The following SH3D19 variants were observed in gnomAD, a reference collection of about 807,000 sequenced individuals.
SH3D19 encodes the protein SH3 domain containing 19, also known as SH3 domain-containing protein 19.
Under a neutral mutation model 112.1 loss-of-function variants are expected in SH3D19, and 58 were observed. The ratio of observed to expected loss-of-function variants is 0.52; its 90% CI spans 0.42 to 0.64. SH3D19 has a LOEUF of 0.64. SH3D19 is among the 30% of genes least tolerant of loss of function. SH3D19 has a pLI of 0.00. For missense variants in SH3D19, 1,090 were observed against 1,263.4 expected, an observed-to-expected ratio of 0.86 and a Z score of 2.08; for synonymous variants, 391 against 448.5, an observed-to-expected ratio of 0.87 and a Z score of 1.62.
At chr4:151,307,973 C>A (rs770349029) in intron 1 of SH3D19, among the ~76,000 whole-genome samples, 1 of 152,112 alleles carries the variant, frequency 6.6e-6, no homozygotes, top group Non-Finnish European at 1.5e-5. Flanking sequence ...TGCAATGGTG[C>A]GATCTCACTG....
rs1751060772 is a variant in SH3D19, at chr4:151,133,041, A to C, written c.2682T>G (p.Asn894Lys). 2 of 1,613,734 alleles carry C rather than the reference A, an allele frequency of 1.2e-6. No individual in the cohort carries two copies. The highest frequency in any genetic ancestry group is 8.5e-7 in the Non-Finnish European group (1 of 1,179,856). ...PVEDYPTSGA[N>K]VLSTKVPLKT... is the part of the protein sequence containing the mutation. Reference sequence around the variant, plus strand: ...AAAATTCTCTATACTCACTTAAAACATTTGCACCAGAGGTGGGATAATCCT... The same window carrying C: ...AAAATTCTCTATACTCACTTAAAACCTTTGCACCAGAGGTGGGATAATCCT... Residue 894 changes from asparagine (N) to lysine (K), a missense_variant, in exon 16 of 20, where the codon AAT (asparagine) becomes AAG (lysine). Transcript: ENST00000604030.
intron 1 of SH3D19, among the ~76,000 whole-genome samples, chr4:151,246,159 T>A (rs1182543238): frequency 6.6e-6 from 1 of 152,142 alleles, no homozygotes. Context: ...TAGCTAAAGT[T>A]ACAAAAGGCA....
intron 9 of SH3D19, among the ~76,000 whole-genome samples, chr4:151,150,204 A>AAAAAAAAAT (rs1561234777): frequency 1.7e-5 from 1 of 59,008 alleles, no homozygotes; most frequent in Non-Finnish European, 3.8e-5. Flanking sequence ...AAAAAAAAAA[A>AAAAAAAAAT]AAATATATAT....
chr4:151,187,440 C>G lies in SH3D19; in HGVS notation c.176G>C (p.Arg59Thr). 3.3e-6 allele frequency: 4 copies of G among 1,229,336 alleles called. No homozygotes were observed. Among genetic ancestry groups the G allele is most frequent in the Non-Finnish European group, 3.0e-6 (3 of 985,476 alleles). The allele number at this position is 1,229,336 out of a possible 1,614,324, so 76.2% of individuals were successfully genotyped here. The change falls in exon 3 of 20, where the codon AGA becomes ACA. Residue 59 changes from arginine (R) to threonine (T), a missense_variant. Arg to Thr is a moderately conservative substitution (Grantham distance 71). Coordinates refer to ENST00000604030, the MANE Select transcript of SH3D19 (RefSeq NM_001378122.1). ...SSSQGPLSSI[R>T]AVIKRSSRTS... ...AAACTTACATCTCTTGATTACCGCT[C>G]TAATGGATGACAAGGGTCCTTGGCT...
intron 2 of SH3D19, among the ~76,000 whole-genome samples, chr4:151,211,341 T>A (rs1267198756): frequency 6.6e-6 from 1 of 152,020 alleles, no homozygotes; most frequent in East Asian, 1.9e-4. Context: ...CCACTGGCAG[T>A]TCCCCCATCT....
At chr4:151,174,101 C>A (rs1759514208) in intron 7 of SH3D19, among the ~76,000 whole-genome samples, 1 of 152,200 alleles carries the variant, frequency 6.6e-6, no homozygotes, top group Non-Finnish European at 1.5e-5. Flanking sequence ...ATTAAAGGAA[C>A]AACTTTGCAA....
At chr4:151,137,919 A>G in intron 13 of SH3D19, 57 bp from the exon 14 acceptor site, 1 of 1,476,588 alleles carries the variant, frequency 6.8e-7, no homozygotes, top group Non-Finnish European at 9.1e-7. Context: ...AGATTTGATA[A>G]AAGCACAAAG....
At chr4:151,133,340 G>A in intron 15 of SH3D19, 104 bp from the exon 16 acceptor site, 1 of 929,136 alleles carries the variant, frequency 1.1e-6, no homozygotes, top group East Asian at 2.6e-5. Context: ...GGTTTACCAT[G>A]GAATAAGGTA....
At chr4:151,227,592 G>T (rs1769212279) in intron 1 of SH3D19, among the ~76,000 whole-genome samples, 1 of 152,168 alleles carries the variant, frequency 6.6e-6, no homozygotes, top group Admixed American at 6.5e-5. Context: ...TGAGTATTAA[G>T]ATTTTAAAGT....
chr4:151,152,435 T>C (rs1030636849), intron 9 of SH3D19, among the ~76,000 whole-genome samples: 1 of 152,176 alleles, frequency 6.6e-6, no homozygotes, highest in African/African-American at 2.4e-5. Context: ...TCTCTGCAGA[T>C]TCCATCTTTT....
intron 2 of SH3D19, among the ~76,000 whole-genome samples, chr4:151,191,339 TG>T (rs1762595758): frequency 6.6e-6 from 1 of 152,176 alleles, no homozygotes; most frequent in South Asian, 2.1e-4. Flanking sequence ...AAGGCATGAT[TG>T]GTTTTAAAAT....
At chr4:151,238,237 G>T (rs1770279604) in intron 1 of SH3D19, among the ~76,000 whole-genome samples, 2 of 152,042 alleles carry the variant, frequency 1.3e-5, no homozygotes. Flanking sequence ...TGAAAGAGTG[G>T]CATAAAGAAA....
At chr4:151,124,144 T>G (rs1026644401) in intron 19 of SH3D19, among the ~76,000 whole-genome samples, 4 of 151,868 alleles carry the variant, frequency 2.6e-5, no homozygotes, top group Non-Finnish European at 5.9e-5. Context: ...TTTGCTCTTG[T>G]TGCCCCGGCT....
At chr4:151,174,520 T>G in intron 7 of SH3D19, 150 bp downstream of exon 7, 1 of 615,316 alleles carries the variant, frequency 1.6e-6, no homozygotes, top group Non-Finnish European at 2.5e-6. Context: ...TGTCTGTTCA[T>G]TCCTCTGTTT....
chr4:151,196,983 C>A (rs577193829), intron 2 of SH3D19, among the ~76,000 whole-genome samples: 3 of 152,084 alleles, frequency 2.0e-5, no homozygotes, highest in East Asian at 3.9e-4. Context: ...ATAAAAAAAT[C>A]AAAAAATATT....
chr4:151,181,985 G>GC (rs1554046869), intron 3 of SH3D19, among the ~76,000 whole-genome samples: 2 of 145,236 alleles, frequency 1.4e-5, no homozygotes, highest in Non-Finnish European at 1.5e-5. Context: ...CGCTTGTAGG[G>GC]TTTTTTTTTT....
chr4:151,139,288 G>T (rs1019829412), intron 13 of SH3D19, among the ~76,000 whole-genome samples: 2 of 151,756 alleles, frequency 1.3e-5, no homozygotes, highest in Non-Finnish European at 2.9e-5. Flanking sequence ...CGAATAGCTG[G>T]ACTACAGGCG....
chr4:151,218,173 A>T (rs1408360119), intron 2 of SH3D19, among the ~76,000 whole-genome samples: 1 of 152,146 alleles, frequency 6.6e-6, no homozygotes, highest in African/African-American at 2.4e-5. Flanking sequence ...AAAAATTTGC[A>T]GAGAAATACA....
At chr4:151,238,674 T>C (rs1351653850) in intron 1 of SH3D19, among the ~76,000 whole-genome samples, 1 of 152,060 alleles carries the variant, frequency 6.6e-6, no homozygotes, top group African/African-American at 2.4e-5. Flanking sequence ...ATGAGGATTC[T>C]TCCGATCTGT....
Sources: allele counts gnomAD v4.1 joint callset (sites outside exome capture counted in the v4.1 genomes callset), GRCh38; gene constraint gnomAD v4.1.1; transcripts MANE v1.5; gene names NCBI Gene and HGNC (gene_info 2026-07-23, HGNC 2026-07-21).